MOSMO: variants seen among roughly 807,000 people sequenced by gnomAD.
MOSMO encodes modulator of smoothened.
A neutral mutation model predicts 18.4 loss-of-function variants in MOSMO; 5 were observed. That is an observed-to-expected ratio of 0.27 (90% CI 0.14 to 0.57). MOSMO has a LOEUF of 0.57. MOSMO is among the 20% of genes least tolerant of loss of function. The pLI, the probability that MOSMO is intolerant of heterozygous loss-of-function variation, is 0.92. For synonymous variants in MOSMO, 82 were observed against 82.3 expected (o/e 1.00, Z 0.02); for missense variants, 138 against 211.8 (o/e 0.65, Z 2.16).
intron 1 of MOSMO, among the ~76,000 whole-genome samples, chr16:22,042,972 C>T (rs903134650): frequency 2.6e-5 from 4 of 152,160 alleles, no homozygotes; most frequent in African/African-American, 9.7e-5. Flanking sequence ...TGTCTTATTC[C>T]ATACCCCATA....
intron 1 of MOSMO, among the ~76,000 whole-genome samples, chr16:22,011,754 T>C (rs1899533350): frequency 6.6e-6 from 1 of 152,070 alleles, no homozygotes; most frequent in Non-Finnish European, 1.5e-5. Context: ...TAAGAGATAC[T>C]AGGAACATAG....
At position 22,083,731 on chromosome 16, in the gene MOSMO, A is replaced by AT. The variant is rs1305146859; in HGVS notation, c.*2856dup. On this transcript the variant is annotated 3_prime_UTR_variant, in exon 3 of 3. Transcript: ENST00000542527. Reference sequence around the variant, plus strand: ...ATCACTGTAAAATCTGCTGAAAACTATTTTTAGGTTTTATTTGCACAAGAC... The same window carrying AT: ...ATCACTGTAAAATCTGCTGAAAACTATTTTTTAGGTTTTATTTGCACAAGAC... The AT allele has an allele frequency of 2.2e-6, 1 of 450,242 alleles. No individual in the cohort carries two copies. The highest frequency in any genetic ancestry group is 2.0e-5 in the African/African-American group (1 of 49,730). The allele number at this position is 450,242 out of a possible 1,614,324, so 27.9% of individuals were successfully genotyped here. A position where few individuals can be genotyped will look rare whatever the true frequency, so the allele number is the denominator to read the frequency against.
In MOSMO at chr16:22,081,799, A is replaced by C. The variant is rs749542281; in HGVS notation, c.*919A>C. On this transcript the variant is annotated 3_prime_UTR_variant, in exon 3 of 3. Coordinates refer to ENST00000542527, the MANE Select transcript of MOSMO (RefSeq NM_001164579.2). ...GCATAGTGGAGAGAGTCTTCAGTTT[A>C]CCTCATTCTTTGTAGCAGCCCTTGA... is the stretch of plus-strand genomic sequence containing the variant. 3 of 152,082 alleles carry C rather than the reference A, an allele frequency of 2.0e-5. No homozygotes were observed. The highest frequency in any genetic ancestry group is 4.4e-5 in the Non-Finnish European group (3 of 68,016). 9.4% of individuals were successfully genotyped at this position (152,082 alleles called of 1,614,324 possible). A position where few individuals can be genotyped will look rare whatever the true frequency, so the allele number is the denominator to read the frequency against.
chr16:22,042,837 T>C (rs908123511), intron 1 of MOSMO, among the ~76,000 whole-genome samples: 1 of 152,162 alleles, frequency 6.6e-6, no homozygotes, highest in Non-Finnish European at 1.5e-5. Context: ...TCTTAATATA[T>C]GCAACAACTC....
chr16:22,091,144 T>C (rs570397574), downstream of MOSMO, among the ~76,000 whole-genome samples: 5 of 152,270 alleles, frequency 3.3e-5, no homozygotes, highest in African/African-American at 1.2e-4. Context: ...CATTGGTTGC[T>C]CACAGCCACT....
chr16:22,042,200 C>T (rs1900223485), intron 1 of MOSMO, among the ~76,000 whole-genome samples: 1 of 152,054 alleles, frequency 6.6e-6, no homozygotes. Flanking sequence ...GGAACAGCTG[C>T]TCTGGGGGCT....
chr16:22,039,813 G>A (rs747947996), intron 1 of MOSMO, among the ~76,000 whole-genome samples: 1 of 152,158 alleles, frequency 6.6e-6, no homozygotes, highest in Non-Finnish European at 1.5e-5. Context: ...ATCTAAGATA[G>A]CAGCACTCCC....
chr16:22,055,861 C>A (rs1900522193), intron 1 of MOSMO, among the ~76,000 whole-genome samples: 1 of 152,170 alleles, frequency 6.6e-6, no homozygotes, highest in Non-Finnish European at 1.5e-5. Flanking sequence ...GTCATATCAA[C>A]CTTTAGCCAT....
chr16:22,042,540 C>T (rs957802603), intron 1 of MOSMO, among the ~76,000 whole-genome samples: 2 of 152,182 alleles, frequency 1.3e-5, no homozygotes, highest in Non-Finnish European at 2.9e-5. Flanking sequence ...TTTGTTCTCT[C>T]CATACTGTTT....
intron 1 of MOSMO, among the ~76,000 whole-genome samples, chr16:22,063,343 C>G (rs530458744): frequency 6.6e-6 from 1 of 152,074 alleles, no homozygotes; most frequent in Non-Finnish European, 1.5e-5. Flanking sequence ...TGTTTAATAC[C>G]GGAATATCAA....
chr16:22,085,969 T>C (rs1439303821), downstream of MOSMO: 1 of 152,138 alleles, frequency 6.6e-6, no homozygotes. Context: ...ATTTCAGTGC[T>C]GGATGAAATG....
At chr16:22,059,265 G>A (rs1435464005) in intron 1 of MOSMO, among the ~76,000 whole-genome samples, 1 of 152,154 alleles carries the variant, frequency 6.6e-6, no homozygotes, top group Non-Finnish European at 1.5e-5. Context: ...CCTATAAATG[G>A]TTGAGGTGAC....
At chr16:22,035,541 A>C (rs1446541394) in intron 1 of MOSMO, among the ~76,000 whole-genome samples, 1 of 152,046 alleles carries the variant, frequency 6.6e-6, no homozygotes, top group Non-Finnish European at 1.5e-5. Context: ...ACTGAGCCTC[A>C]GGAATTCCTC....
chr16:22,032,188 C>CTT (rs1323183775), intron 1 of MOSMO, among the ~76,000 whole-genome samples: 33 of 132,666 alleles, frequency 2.5e-4, no homozygotes, highest in Non-Finnish European at 3.9e-4. Flanking sequence ...CTACCCTTTT[C>CTT]TTTTTTTTTT....
intron 1 of MOSMO, among the ~76,000 whole-genome samples, chr16:22,045,848 G>A (rs889853950): frequency 2.6e-5 from 4 of 151,442 alleles, no homozygotes; most frequent in African/African-American, 9.7e-5. Context: ...TGAGTTAAGA[G>A]ATATATATTT....
At chr16:22,040,744 T>G (rs954804204) in intron 1 of MOSMO, among the ~76,000 whole-genome samples, 2 of 152,164 alleles carry the variant, frequency 1.3e-5, no homozygotes, top group Admixed American at 6.5e-5. Flanking sequence ...ATAAAGGGCC[T>G]TGGGATTTAC....
intron 1 of MOSMO, among the ~76,000 whole-genome samples, chr16:22,052,143 A>G (rs1354865635): frequency 6.6e-6 from 1 of 152,192 alleles, no homozygotes; most frequent in African/African-American, 2.4e-5. Context: ...TAGGCTGTCC[A>G]TTGTTATTGT....
intron 1 of MOSMO, among the ~76,000 whole-genome samples, chr16:22,027,238 T>C (rs1899894384): frequency 6.6e-6 from 1 of 152,232 alleles, no homozygotes; most frequent in Non-Finnish European, 1.5e-5. Flanking sequence ...GTATTTTCTG[T>C]CCAAAATAGC....
At chr16:22,087,127 G>C (rs1191186979), downstream of MOSMO, 1 of 152,144 alleles carries the variant, frequency 6.6e-6, no homozygotes, top group African/African-American at 2.4e-5. Flanking sequence ...TGTACAGAGA[G>C]GACCAGGACG....
Sources: allele counts gnomAD v4.1 joint callset (sites outside exome capture counted in the v4.1 genomes callset), GRCh38; gene constraint gnomAD v4.1.1; transcripts MANE v1.5; gene names NCBI Gene and HGNC (gene_info 2026-07-23, HGNC 2026-07-21).